SH3GLB2: variants seen among roughly 807,000 people sequenced by gnomAD.
The protein encoded by SH3GLB2 is SH3 domain containing GRB2 like, endophilin B2, also known as endophilin-B2.
SH3GLB2 carries 24 observed loss-of-function variants against 48.0 expected under a neutral mutation model. The ratio of observed to expected loss-of-function variants is 0.50; its 90% CI spans 0.36 to 0.70. The LOEUF (loss-of-function observed/expected upper bound fraction) is 0.70. Among genes scored for constraint, SH3GLB2 ranks in the 30% least tolerant of loss-of-function variants. SH3GLB2 has a pLI of 0.00. For missense variants in SH3GLB2, 425 were observed against 516.0 expected (o/e 0.82, Z 1.71); for synonymous variants, 227 against 207.6 (o/e 1.09, Z -0.80).
chr9:129,016,518 C>T lies in SH3GLB2; in HGVS notation c.335-1614G>A, dbSNP rs534959025. Among the ~76,000 whole-genome samples, 15 of 151,406 alleles carry T rather than the reference C, an allele frequency of 9.9e-5. No individual in the cohort carries two copies. The South Asian group carries it at 2.3e-3, about 23-fold the overall frequency. On this transcript the variant is annotated intron_variant, in intron 3 of 10. Transcript: ENST00000372564. ...ACTAAAAATACAAAAATTAGCCAGG[C>T]GTGGTGGCAAGCACCTGTAATCCCA...
rs1288254330 is a variant in SH3GLB2, at chr9:129,014,174, G to C, written c.561+237C>G. 1.6e-6 allele frequency: 1 copy of C among 624,308 alleles called. No individual in the cohort carries two copies. Among genetic ancestry groups the C allele is most frequent in the African/African-American group, 1.8e-5 (1 of 55,276 alleles). 38.7% of individuals were successfully genotyped at this position (624,308 alleles called of 1,614,324 possible). ...CTGGCGGGGTGGTGCACCCAGCTGG[G>C]GGCACTGCTGGTCCGCCCACACCGT... On this transcript the variant is annotated intron_variant, in intron 5 of 10. Transcript: ENST00000372564. This position sits in a 1 kb window ranked among gnomAD's most constrained non-coding sequence, Gnocchi z 4.1.
rs977267172 is a variant in SH3GLB2 at position 129,009,070 on chromosome 9, G to C, written c.1080+36C>G. The C allele has an allele frequency of 1.6e-5, 25 of 1,602,416 alleles. No homozygotes were observed. The Middle Eastern group carries it at 5.0e-4, about 32-fold the overall frequency. ...CAGTGCCCAGGCTGCTCCTCACCCAGCCCATTCCTGCCCCACCTTGCGGCA... is the reference window on the plus strand; with the variant it reads ...CAGTGCCCAGGCTGCTCCTCACCCACCCCATTCCTGCCCCACCTTGCGGCA... On this transcript the variant is annotated intron_variant, in intron 10 of 10. Coordinates refer to ENST00000372564, the MANE Select transcript of SH3GLB2 (RefSeq NM_020145.4).
intron 1 of SH3GLB2, among the ~76,000 whole-genome samples, chr9:129,027,040 G>C (rs779560530): frequency 2.6e-5 from 4 of 152,112 alleles, no homozygotes; most frequent in Non-Finnish European, 4.4e-5. Context: ...CGATGACAAC[G>C]ACAACGACAA....
rs115810197 is a variant in SH3GLB2 at position 129,010,813 on chromosome 9, C to A, written c.625-120G>T. 2,467 of 1,266,002 alleles carry A rather than the reference C, an allele frequency of 1.9e-3. 44 individuals carry two copies. The African/African-American group carries it at 0.033, about 17-fold the overall frequency. 78.4% of individuals were successfully genotyped at this position (1,266,002 alleles called of 1,614,324 possible). ...CTTCTGCCCCCCTGCCCCTCTGCCC[C>A]CCCTCCCAAACAGGAGCTGAGACTG... On this transcript the variant is annotated intron_variant, in intron 6 of 10. Coordinates refer to ENST00000372564, the MANE Select transcript of SH3GLB2 (RefSeq NM_020145.4).
chr9:129,010,651 C>A lies in SH3GLB2; in HGVS notation c.648+19G>T, dbSNP rs1476642051. 2 of 1,613,920 alleles carry A rather than the reference C, an allele frequency of 1.2e-6. No homozygotes were observed. Among genetic ancestry groups the A allele is most frequent in the Non-Finnish European group, 1.7e-6 (2 of 1,179,896 alleles). ...CCACCCCTTCTTCCTCGAGCCCAGC[C>A]CCCCAGGCCCCAACTTACCTTGTCC... On this transcript the variant is annotated intron_variant, in intron 7 of 10. Transcript: ENST00000372564.
At position 129,014,772 on chromosome 9, in the gene SH3GLB2, G is replaced by A. The variant is rs780722629; in HGVS notation, c.467C>T (p.Ser156Leu). 14 of 1,612,760 alleles carry A rather than the reference G, an allele frequency of 8.7e-6. No individual in the cohort carries two copies. The highest frequency in any genetic ancestry group is 1.7e-4 in the Middle Eastern group (1 of 5,762). Reference sequence around the variant, plus strand: ...GCGGAATAGTCCCAGGGCCCTCACCGAGATGGTCTTCCAGTCCCCCTCCAG... The same window carrying A: ...GCGGAATAGTCCCAGGGCCCTCACCAAGATGGTCTTCCAGTCCCCCTCCAG... The part of the protein sequence containing the change: ...NFLEGDWKTI[S>L]KERRLLQNRR... Residue 156 changes from serine (S) to leucine (L), a missense_variant and splice_region_variant, in exon 4 of 11, where the codon TCG (serine) becomes TTG (leucine). Transcript: ENST00000372564. This position sits in a 1 kb window ranked among gnomAD's most constrained non-coding sequence, Gnocchi z 4.1.
At chr9:129,013,006 A>G (rs1380152603) in intron 5 of SH3GLB2, 2 of 1,551,012 alleles carry the variant, frequency 1.3e-6, no homozygotes, top group African/African-American at 2.7e-5. Flanking sequence ...AGGTATACTC[A>G]CATCTCCCTC....
intron 1 of SH3GLB2, among the ~76,000 whole-genome samples, chr9:129,026,471 T>A (rs1311444188): frequency 1.3e-5 from 2 of 152,124 alleles, no homozygotes; most frequent in Non-Finnish European, 2.9e-5. Context: ...CCGAGGCTGC[T>A]CCCGGGAAAA....
Position 129,009,766 on chromosome 9 carries a change from C to T in SH3GLB2, c.839+5G>A, listed in dbSNP as rs762689069. On this transcript the variant is annotated splice_donor_5th_base_variant and intron_variant, in intron 9 of 10. Transcript: ENST00000372564. ...CCAGTGGGTTCAGCAGTGCTGGCCC[C>T]GCACCTGCCCAGCTGCTTCTGCAAG... is the stretch of plus-strand genomic sequence containing the variant. 25 of 1,609,678 alleles carry T rather than the reference C, an allele frequency of 1.6e-5. No homozygotes were observed. The Admixed American group carries it at 2.7e-4, about 17-fold the overall frequency.
In SH3GLB2 at chr9:129,008,412, C is replaced by G. The variant is rs1377174218; in HGVS notation, c.*272G>C. ...CTGAGTGCAGCTGCTGCAGACAGCC[C>G]CTCCCTCCTTAGTGGAGCCTGGAGG... On this transcript the variant is annotated 3_prime_UTR_variant, in exon 11 of 11. Transcript: ENST00000372564. 4.7e-6 allele frequency: 2 copies of G among 424,228 alleles called. No homozygotes were observed. The highest frequency in any genetic ancestry group is 4.9e-5 in the East Asian group (1 of 20,258). 26.3% of individuals were successfully genotyped at this position (424,228 alleles called of 1,614,324 possible).
chr9:129,010,793 GC>G, intron 6 of SH3GLB2, 100 bp from the exon 7 acceptor site: 2 of 1,414,792 alleles, frequency 1.4e-6, no homozygotes, highest in South Asian at 1.2e-5. Context: ...CTCAACTTCT[GC>G]CCCCCTGCCC....
Position 129,008,597 on chromosome 9 carries a change from T to TG in SH3GLB2, c.*86dup. 9.8e-7 allele frequency: 1 copy of TG among 1,016,444 alleles called. No homozygotes were observed. The highest frequency in any genetic ancestry group is 2.5e-5 in the East Asian group (1 of 40,708). The allele number at this position is 1,016,444 out of a possible 1,614,324, so 63.0% of individuals were successfully genotyped here. On this transcript the variant is annotated 3_prime_UTR_variant, in exon 11 of 11. Transcript: ENST00000372564. ...GTGAATTCTCCCCACTCTGAACAAC[T>TG]GTGTCACCAACAAACAAGTTAAGTG...
At chr9:129,026,249 G>GC (rs910218143) in intron 1 of SH3GLB2, among the ~76,000 whole-genome samples, 43 of 152,092 alleles carry the variant, frequency 2.8e-4, no homozygotes, top group African/African-American at 9.9e-4. Flanking sequence ...TCTTGTACCT[G>GC]CAGGGACTGG....
Position 129,011,007 on chromosome 9 carries a change from A to C in SH3GLB2, c.625-314T>G. The C allele has an allele frequency of 2.4e-6, 1 of 409,072 alleles. No homozygotes were observed. The highest frequency in any genetic ancestry group is 4.4e-6 in the Non-Finnish European group (1 of 225,562). 25.3% of individuals were successfully genotyped at this position (409,072 alleles called of 1,614,324 possible). A position where few individuals can be genotyped will look rare whatever the true frequency, so the allele number is the denominator to read the frequency against. On this transcript the variant is annotated intron_variant, in intron 6 of 10. Transcript: ENST00000372564. The surrounding 1 kb of genome is among the most constrained non-coding windows in gnomAD (Gnocchi z 4.5). The stretch of plus-strand genomic sequence containing the variant: ...GACGGAGTGTCCCCACCCCATCCTG[A>C]CTGCTGGCTCAGGCTGCTGGGCTGG...
intron 3 of SH3GLB2, among the ~76,000 whole-genome samples, chr9:129,016,341 TTAAA>T (rs1197800221): frequency 0.032 from 3,523 of 110,904 alleles, 359 homozygotes; most frequent in African/African-American, 0.12. Flanking sequence ...AAGACTGTCT[TTAAA>T]AAAAAAAAAA....
Position 129,009,147 on chromosome 9 carries a change from C to T in SH3GLB2, c.1039G>A (p.Glu347Lys), listed in dbSNP as rs374253235. The T allele has an allele frequency of 4.3e-6, 7 of 1,611,328 alleles. No individual in the cohort carries two copies. Among genetic ancestry groups the T allele is most frequent in the East Asian group, 4.5e-5 (2 of 44,880 alleles). The change falls in exon 10 of 11, where the codon GAG (glutamate) becomes AAG (lysine). Residue 347 changes from glutamate (E) to lysine (K), a missense_variant. Coordinates refer to ENST00000372564, the MANE Select transcript of SH3GLB2 (RefSeq NM_020145.4). ...GCCAGCTCACTGCTGTCGGCTGCCTCGTAGTCATAGAGCACCCGAGCTTTG... is the reference window on the plus strand; with the variant it reads ...GCCAGCTCACTGCTGTCGGCTGCCTTGTAGTCATAGAGCACCCGAGCTTTG... ...TRKARVLYDY[E>K]AADSSELALL...
At chr9:129,010,307 C>T (rs1843041950) in intron 7 of SH3GLB2, 98 bp from the exon 8 acceptor site, 14 of 1,011,448 alleles carry the variant, frequency 1.4e-5, no homozygotes, top group East Asian at 5.0e-5. Context: ...TGTCCCTTTC[C>T]CCTGGGAACA....
chr9:129,014,413 T>C lies in SH3GLB2; in HGVS notation c.559A>G (p.Thr187Ala), dbSNP rs2131254259. The change falls in exon 5 of 11, where the codon ACG becomes GCG. Residue 187 changes from threonine (T) to alanine (A), a missense_variant and splice_region_variant. Transcript: ENST00000372564. This position sits in a 1 kb window ranked among gnomAD's most constrained non-coding sequence, Gnocchi z 4.1. Reference protein sequence around the residue: ...KKAKAAEAKATTVPDFQETRP... With the variant: ...KKAKAAEAKAATVPDFQETRP... ...CAGCGGGGAGCGGGGACACCTACCG[T>C]GGCTTTGGCTTCTGCAGCCTTGGCC... 2 of 1,549,912 alleles carry C rather than the reference T, an allele frequency of 1.3e-6. No individual in the cohort carries two copies.
In SH3GLB2 at chr9:129,021,093, T is replaced by C. The variant is rs758721385; in HGVS notation, c.332A>G (p.Tyr111Cys). 1.2e-6 allele frequency: 2 copies of C among 1,607,572 alleles called. No homozygotes were observed. The highest frequency in any genetic ancestry group is 1.3e-5 in the African/African-American group (1 of 74,688). Residue 111 changes from tyrosine (Y) to cysteine (C), a missense_variant and splice_region_variant, in exon 3 of 11, where the codon TAT (tyrosine) becomes TGT (cysteine). Transcript: ENST00000372564. The part of the protein sequence containing the change: ...AASELGPTTP[Y>C]GKTLIKVAEA... ...CCCTGGCTGTGAGGCCTGCTCACCA[T>C]AGGGGGTGGTCGGCCCCAGCTCACT...
Sources: gnomAD v4.1 joint callset for allele counts (sites outside exome capture counted in the v4.1 genomes callset) on GRCh38, gnomAD v4.1.1 for gene constraint, Gnocchi (gnomAD v3.1) non-coding constraint, MANE v1.5 for transcripts, NCBI Gene and HGNC (gene_info 2026-07-23, HGNC 2026-07-21) for gene names.